Variants in NRG2 observed in about 807,000 individuals in gnomAD.
The protein encoded by NRG2 is neuregulin 2.
Under a neutral mutation model 73.9 loss-of-function variants are expected in NRG2, and 27 were observed. The observed-to-expected ratio is 0.37, with a 90% CI of 0.27 to 0.50. The LOEUF (loss-of-function observed/expected upper bound fraction) is 0.50, where lower values mean the gene tolerates loss of function less well. Among genes scored for constraint, NRG2 ranks in the 20% least tolerant of loss-of-function variants. The probability of loss-of-function intolerance (pLI) is 0.96; values close to 1 mark genes in which losing one functional copy is unlikely to be tolerated. For missense variants in NRG2, 1,126 were observed against 1,210.1 expected, an observed-to-expected ratio of 0.93 and a Z score of 1.03; for synonymous variants, 532 against 541.0, an observed-to-expected ratio of 0.98 and a Z score of 0.23.
chr5:139,889,922 T>C (rs1029469756), intron 1 of NRG2, among the ~76,000 whole-genome samples: 1 of 152,240 alleles, frequency 6.6e-6, no homozygotes, highest in Non-Finnish European at 1.5e-5. Context: ...ATGTAGAGCC[T>C]GGCACATAGA....
rs150767590 is a variant in NRG2 at position 139,952,677 on chromosome 5, A to T, written c.701-65166T>A. On this transcript the variant is annotated intron_variant, in intron 1 of 9. Transcript: ENST00000361474. ...ACCACGGTGGAGGAGGAATAATTGC[A>T]CTAAGGCCGAGCTCTCCCCTCCTCC... is the stretch of plus-strand genomic sequence containing the variant. 2.3e-3 allele frequency among the ~76,000 whole-genome samples: 349 copies of T among 152,220 alleles called. 1 individual carries two copies. Among genetic ancestry groups the T allele is most frequent in the Non-Finnish European group, 4.1e-3 (280 of 68,012 alleles).
rs983942473 is a variant in NRG2 at position 139,869,770 on chromosome 5, C to T, written c.1112+1951G>A. 3 of 152,486 alleles carry T rather than the reference C, an allele frequency of 2.0e-5. No homozygotes were observed. Among genetic ancestry groups the T allele is most frequent in the Admixed American group, 2.0e-4 (3 of 15,308 alleles). 9.4% of individuals were successfully genotyped at this position (152,486 alleles called of 1,614,324 possible). On this transcript the variant is annotated intron_variant, in intron 4 of 9. Coordinates refer to ENST00000361474, the MANE Select transcript of NRG2 (RefSeq NM_004883.3). This position sits in a 1 kb window ranked among gnomAD's most constrained non-coding sequence, Gnocchi z 4.5. ...TCTTCACAATGGCTCAGGCTCCTGC[C>T]TCTGCTCCTCTCAGATTTAGCTGGG...
intron 1 of NRG2, among the ~76,000 whole-genome samples, chr5:139,955,816 G>A (rs908427040): frequency 6.6e-5 from 10 of 152,144 alleles, no homozygotes; most frequent in African/African-American, 2.2e-4. Context: ...GCCATGAAGT[G>A]TAACAGGAGC....
chr5:139,875,254 G>A (rs985290870), intron 3 of NRG2, among the ~76,000 whole-genome samples: 10 of 152,024 alleles, frequency 6.6e-5, no homozygotes, highest in African/African-American at 2.4e-4. Flanking sequence ...CTCATGATCT[G>A]CCTGCCTCAG....
At chr5:139,943,845 T>C (rs1024054566) in intron 1 of NRG2, among the ~76,000 whole-genome samples, 1 of 152,214 alleles carries the variant, frequency 6.6e-6, no homozygotes, top group Admixed American at 6.5e-5. Flanking sequence ...GGGAGTGTCA[T>C]ATACAATTTT....
intron 1 of NRG2, among the ~76,000 whole-genome samples, chr5:139,909,236 A>G (rs1469825094): frequency 1.3e-5 from 2 of 152,226 alleles, no homozygotes; most frequent in Non-Finnish European, 2.9e-5. Context: ...AGGCTGTGCC[A>G]TGGCAAACTT....
chr5:139,864,592 C>T (rs1339047353), intron 5 of NRG2, among the ~76,000 whole-genome samples: 1 of 152,006 alleles, frequency 6.6e-6, no homozygotes, highest in Non-Finnish European at 1.5e-5. Context: ...CCTGTAGCCA[C>T]ATAAATATCT....
At chr5:140,037,270 G>A (rs932233042) in intron 1 of NRG2, among the ~76,000 whole-genome samples, 11 of 152,206 alleles carry the variant, frequency 7.2e-5, no homozygotes, top group African/African-American at 2.7e-4. Flanking sequence ...TGCTGTATGG[G>A]TTGAGATGCA....
At chr5:139,939,495 G>A (rs1419843044) in intron 1 of NRG2, among the ~76,000 whole-genome samples, 1 of 151,986 alleles carries the variant, frequency 6.6e-6, no homozygotes, top group Non-Finnish European at 1.5e-5. Context: ...GGCTGGTCTT[G>A]AACTCCTGGC....
chr5:139,910,913 A>G (rs767233058), intron 1 of NRG2, among the ~76,000 whole-genome samples: 1 of 152,156 alleles, frequency 6.6e-6, no homozygotes, highest in Non-Finnish European at 1.5e-5. Flanking sequence ...GTGGAAGGGA[A>G]GAGGCAGACC....
rs749105318 is a variant in NRG2, at chr5:140,042,656, C to T, written c.414G>A (p.Leu138=). The change falls in exon 1 of 10, where the codon CTG becomes CTA. Residue 138 remains leucine (L), a synonymous_variant. Transcript: ENST00000361474. ...PVVVEGKVQG[L]VPAGGSSSNS... ...TGGAGCTGGAGCCGCCGGCTGGGACCAGCCCCTGTACCTTGCCCTCCACCA... is the reference window on the plus strand; with the variant it reads ...TGGAGCTGGAGCCGCCGGCTGGGACTAGCCCCTGTACCTTGCCCTCCACCA... 6.9e-6 allele frequency: 11 copies of T among 1,597,162 alleles called. No individual in the cohort carries two copies. In the African/African-American group the frequency reaches 1.5e-4, roughly 21 times the overall value.
In NRG2 at chr5:139,968,377, G is replaced by A. The variant is rs77659428; in HGVS notation, c.700+73993C>T. On this transcript the variant is annotated intron_variant, in intron 1 of 9. Transcript: ENST00000361474. Reference sequence around the variant, plus strand: ...AGAAGGCCAGAACCCGGAGCCTCAAGGGGGCCTAGTTTAGGAGCAGGGCAG... The same window carrying A: ...AGAAGGCCAGAACCCGGAGCCTCAAAGGGGCCTAGTTTAGGAGCAGGGCAG... Among the ~76,000 whole-genome samples the A allele has an allele frequency of 8.5e-4, 129 of 152,368 alleles. 1 individual carries two copies. Among genetic ancestry groups the A allele is most frequent in the African/African-American group, 3.0e-3 (125 of 41,596 alleles).
chr5:139,991,586 G>A (rs1196298675), intron 1 of NRG2, among the ~76,000 whole-genome samples: 1 of 152,078 alleles, frequency 6.6e-6, no homozygotes, highest in African/African-American at 2.4e-5. Context: ...TAGTAGAGAA[G>A]AGGTTTCACC....
chr5:139,961,323 GTC>G (rs1358339664), intron 1 of NRG2, among the ~76,000 whole-genome samples: 1 of 151,906 alleles, frequency 6.6e-6, no homozygotes, highest in African/African-American at 2.4e-5. Flanking sequence ...CTACTGTCCT[GTC>G]TCTCTGAGAA....
At chr5:139,947,108 A>G (rs1048023621) in intron 1 of NRG2, among the ~76,000 whole-genome samples, 1 of 152,106 alleles carries the variant, frequency 6.6e-6, no homozygotes, top group African/African-American at 2.4e-5. Context: ...TTCGCATACC[A>G]TACAATTCAC....
intron 1 of NRG2, among the ~76,000 whole-genome samples, chr5:139,900,115 T>C (rs748517156): frequency 6.6e-6 from 1 of 152,106 alleles, no homozygotes; most frequent in Non-Finnish European, 1.5e-5. Flanking sequence ...CTATTCACCA[T>C]CCAGGCTCAG....
At chr5:139,884,000 G>C (rs986617111) in intron 2 of NRG2, among the ~76,000 whole-genome samples, 2 of 152,178 alleles carry the variant, frequency 1.3e-5, no homozygotes, top group African/African-American at 4.8e-5. Flanking sequence ...GGTTCAGAAG[G>C]CTAGAACCAT....
chr5:139,975,822 T>C (rs922211535), intron 1 of NRG2, among the ~76,000 whole-genome samples: 2 of 152,218 alleles, frequency 1.3e-5, no homozygotes, highest in African/African-American at 4.8e-5. Context: ...AACATGCTTT[T>C]CAGCAATTGG....
intron 1 of NRG2, among the ~76,000 whole-genome samples, chr5:139,955,390 G>A (rs1754545182): frequency 6.6e-6 from 1 of 152,120 alleles, no homozygotes; most frequent in Non-Finnish European, 1.5e-5. Context: ...TGATGCATAT[G>A]GAAACTACAA....
Sources: allele counts gnomAD v4.1 joint callset (sites outside exome capture counted in the v4.1 genomes callset), GRCh38; gene constraint gnomAD v4.1.1; non-coding constraint Gnocchi (gnomAD v3.1); transcripts MANE v1.5; gene names NCBI Gene and HGNC (gene_info 2026-07-23, HGNC 2026-07-21).